Variants in HMCN2 observed in about 807,000 individuals in gnomAD.
HMCN2 encodes the protein hemicentin-2.
Under a neutral mutation model 377.5 loss-of-function variants are expected in HMCN2, and 325 were observed. The ratio of observed to expected loss-of-function variants is 0.86; its 90% CI spans 0.79 to 0.94. The LOEUF is 0.94. Ranked by LOEUF, HMCN2 falls within the 40% of genes least tolerant of loss-of-function variation. The probability of loss-of-function intolerance (pLI) is 0.00; values close to 1 mark genes in which losing one functional copy is unlikely to be tolerated. For missense variants in HMCN2, 4,543 were observed against 4,725.3 expected, an observed-to-expected ratio of 0.96 and a Z score of 1.13; for synonymous variants, 2,007 against 2,046.8, an observed-to-expected ratio of 0.98 and a Z score of 0.53.
Position 130,353,005 on chromosome 9 carries a change from A to C in HMCN2, c.4664A>C (p.Glu1555Ala). The C allele has an allele frequency of 1.5e-6, 2 of 1,304,034 alleles. No individual in the cohort carries two copies. The highest frequency in any genetic ancestry group is 2.5e-5 in the South Asian group (2 of 81,002). 80.8% of individuals were successfully genotyped at this position (1,304,034 alleles called of 1,614,324 possible). Residue 1555 changes from glutamate (E) to alanine (A), a missense_variant, in exon 31 of 98, where the codon GAG (glutamate) becomes GCG (alanine). Glu to Ala is a moderately radical substitution (Grantham distance 107). Around this residue, in one of 5 missense-constraint regions of HMCN2, gnomAD observed 1,032 missense variants for 1,285.1 expected, o/e 0.80. Transcript: ENST00000683500. ...MEDHLVQLLC[E>A]ARGVPTPNIT... is the part of the protein sequence containing the mutation. ...GACCACCTAGTGCAGCTCCTGTGTG[A>C]GGCTCGAGGAGTGCCCACCCCAAAC...
chr9:130,403,958 G>T (rs756511345), intron 80 of HMCN2, 83 bp downstream of exon 80: 58 of 1,186,348 alleles, frequency 4.9e-5, no homozygotes, highest in Non-Finnish European at 6.1e-5. Flanking sequence ...TCTCTGCCTG[G>T]CAGGGCACAC....
At chr9:130,358,052 G>A (rs1840144519) in intron 35 of HMCN2, 64 bp downstream of exon 35, 4 of 1,225,402 alleles carry the variant, frequency 3.3e-6, no homozygotes, top group Admixed American at 2.7e-5. Flanking sequence ...TGCTCTGGGG[G>A]CTTCCTGGAG....
rs189333302 is a variant in HMCN2, at chr9:130,358,272, A to G, written c.5581-118A>G. 1.5e-4 allele frequency: 181 copies of G among 1,200,354 alleles called. No homozygotes were observed. The Admixed American group carries it at 2.3e-3, about 15-fold the overall frequency. 74.4% of individuals were successfully genotyped at this position (1,200,354 alleles called of 1,614,324 possible). A position where few individuals can be genotyped will look rare whatever the true frequency, so the allele number is the denominator to read the frequency against. On this transcript the variant is annotated intron_variant, in intron 35 of 97. Transcript: ENST00000683500. ...GCTCATAACTCTACCTCCAGAGCCA[A>G]AAGTGTCCCCATGCCTCACTGCTCC... is the stretch of plus-strand genomic sequence containing the variant.
At chr9:130,349,881 G>C (rs906639223) in intron 29 of HMCN2, among the ~76,000 whole-genome samples, 4 of 142,640 alleles carry the variant, frequency 2.8e-5, no homozygotes, top group Non-Finnish European at 4.6e-5. Flanking sequence ...TCATCTCTTA[G>C]CCTTTCCTTT....
At position 130,349,566 on chromosome 9, in the gene HMCN2, G is replaced by C; in HGVS notation, c.4333G>C (p.Ala1445Pro). The stretch of plus-strand genomic sequence containing the variant: ...TCCTTCCGTGCTTGGAGCCGGGGCC[G>C]CTCAGGAGGTGCTAGGATTGGCCGG... ...TPPSVLGAGAAQEVLGLAGAD... is the reference protein window; with the variant it reads ...TPPSVLGAGAPQEVLGLAGAD... Residue 1445 changes from alanine to proline, a missense_variant, in exon 29 of 98, where the codon GCT becomes CCT. Coordinates refer to ENST00000683500, the MANE Select transcript of HMCN2 (RefSeq NM_001291815.2). The C allele has an allele frequency of 7.7e-7, 1 of 1,303,518 alleles. No individual in the cohort carries two copies. The highest frequency in any genetic ancestry group is 1.0e-6 in the Non-Finnish European group (1 of 988,842). The allele number at this position is 1,303,518 out of a possible 1,614,324, so 80.7% of individuals were successfully genotyped here. A position where few individuals can be genotyped will look rare whatever the true frequency, so the allele number is the denominator to read the frequency against.
chr9:130,331,420 C>T (rs1838422672), intron 22 of HMCN2, among the ~76,000 whole-genome samples: 1 of 152,170 alleles, frequency 6.6e-6, no homozygotes, highest in African/African-American at 2.4e-5. Context: ...AAAAGACATC[C>T]AAGTTGCAAA....
Position 130,353,019 on chromosome 9 carries a change from C to T in HMCN2, c.4678C>T (p.Pro1560Ser). ...VQLLCEARGVPTPNITWFKDG... is the reference protein window; with the variant it reads ...VQLLCEARGVSTPNITWFKDG... The stretch of plus-strand genomic sequence containing the variant: ...GCTCCTGTGTGAGGCTCGAGGAGTG[C>T]CCACCCCAAACATCACCTGGTTCAA... The change falls in exon 31 of 98, where the codon CCC becomes TCC. Residue 1560 changes from proline (P) to serine (S), a missense_variant. By Grantham distance (74) the Pro-to-Ser change is moderately conservative. Around this residue, in one of 5 missense-constraint regions of HMCN2, gnomAD observed 1,032 missense variants for 1,285.1 expected, o/e 0.80. Coordinates refer to ENST00000683500, the MANE Select transcript of HMCN2 (RefSeq NM_001291815.2). The T allele has an allele frequency of 7.7e-7, 1 of 1,304,134 alleles. No homozygotes were observed. 80.8% of individuals were successfully genotyped at this position (1,304,134 alleles called of 1,614,324 possible).
At chr9:130,286,074 C>A in intron 3 of HMCN2, 114 bp from the exon 4 acceptor site, 1 of 410,494 alleles carries the variant, frequency 2.4e-6, no homozygotes, top group Non-Finnish European at 5.0e-6. Context: ...ATACATGTGA[C>A]AGACAGAGGA....
intron 25 of HMCN2, among the ~76,000 whole-genome samples, chr9:130,346,275 T>G (rs1469786479): frequency 2.0e-5 from 3 of 152,092 alleles, no homozygotes; most frequent in African/African-American, 7.2e-5. Flanking sequence ...CTTGGAGGAC[T>G]GGGCTGTTAG....
At chr9:130,432,406 G>T (rs751811663) in intron 96 of HMCN2, 23 bp from the exon 97 acceptor site, 2 of 1,550,436 alleles carry the variant, frequency 1.3e-6, no homozygotes, top group Admixed American at 3.9e-5. Context: ...TCCCTCCCCC[G>T]CTTCACCAAC....
At chr9:130,330,215 C>T (rs1441028401) in intron 22 of HMCN2, among the ~76,000 whole-genome samples, 5 of 152,212 alleles carry the variant, frequency 3.3e-5, no homozygotes, top group Non-Finnish European at 7.3e-5. Context: ...CCCTCTCCCC[C>T]CTCCCCTGCT....
At chr9:130,267,152 C>T (rs1554919404) in intron 1 of HMCN2, among the ~76,000 whole-genome samples, 1 of 151,764 alleles carries the variant, frequency 6.6e-6, no homozygotes, top group Non-Finnish European at 1.5e-5. Flanking sequence ...CTCTGTATTG[C>T]CCAGGCTAGT....
rs1844072124 is a variant in HMCN2 at position 130,422,425 on chromosome 9, C to T, written c.13232-152C>T. Among the ~76,000 whole-genome samples, 1 of 152,210 alleles carries T rather than the reference C, an allele frequency of 6.6e-6. No individual in the cohort carries two copies. Among genetic ancestry groups the T allele is most frequent in the Non-Finnish European group, 1.5e-5 (1 of 68,032 alleles). ...GCCAAGATCCCCTGGGCGTTGAGTC[C>T]ATGACCCCTTAGCTGTGTGTCCTTG... On this transcript the variant is annotated intron_variant, in intron 86 of 97. Transcript: ENST00000683500. The surrounding 1 kb of genome is among the most constrained non-coding windows in gnomAD (Gnocchi z 4.2).
At chr9:130,375,494 G>C in intron 49 of HMCN2, 69 bp from the exon 50 acceptor site, 2 of 910,678 alleles carry the variant, frequency 2.2e-6, no homozygotes, top group Non-Finnish European at 2.6e-6. Context: ...GGGGTCTGAG[G>C]CTTTCCTGGT....
chr9:130,342,912 C>T (rs1241564728), intron 25 of HMCN2, among the ~76,000 whole-genome samples: 2 of 152,144 alleles, frequency 1.3e-5, no homozygotes, highest in Non-Finnish European at 2.9e-5. Context: ...GGTGTGGGGC[C>T]GATAGCCACC....
At chr9:130,301,937 C>T (rs1433132185) in intron 8 of HMCN2, among the ~76,000 whole-genome samples, 1 of 152,214 alleles carries the variant, frequency 6.6e-6, no homozygotes, top group East Asian at 1.9e-4. Flanking sequence ...CAGGCTCGGG[C>T]CAGGGAGGGG....
At chr9:130,392,148 A>G in intron 66 of HMCN2, 30 bp downstream of exon 66, 5 of 987,746 alleles carry the variant, frequency 5.1e-6, no homozygotes, top group Non-Finnish European at 6.0e-6. Context: ...GGCCTTGGCT[A>G]TTCCACTCAG....
At chr9:130,406,223 G>A in intron 82 of HMCN2, 55 bp downstream of exon 82, 1 of 1,272,598 alleles carries the variant, frequency 7.9e-7, no homozygotes, top group South Asian at 1.2e-5. Context: ...GGGAGGTTAA[G>A]AAGGGAGGGC....
At chr9:130,382,409 A>G (rs995810341) in intron 55 of HMCN2, 112 bp downstream of exon 55, 3 of 355,564 alleles carry the variant, frequency 8.4e-6, no homozygotes, top group Non-Finnish European at 1.2e-5. Flanking sequence ...TCAGAGGTTG[A>G]AATTGGAGTT....
Sources: gnomAD v4.1 joint callset for allele counts (sites outside exome capture counted in the v4.1 genomes callset) on GRCh38, gnomAD v4.1.1 for gene constraint, gnomAD v4.1.1 regional missense constraint, Gnocchi (gnomAD v3.1) non-coding constraint, MANE v1.5 for transcripts, NCBI Gene and HGNC (gene_info 2026-07-23, HGNC 2026-07-21) for gene names.